Variants in AMPH observed in about 807,000 individuals in gnomAD.
AMPH encodes the protein amphiphysin (Stiff-Mann syndrome with breast cancer 128kD autoantigen).
Under a neutral mutation model 99.1 loss-of-function variants are expected in AMPH, and 49 were observed. The ratio of observed to expected loss-of-function variants is 0.49; its 90% CI spans 0.39 to 0.63. AMPH has a LOEUF of 0.63. AMPH is among the 20% of genes least tolerant of loss of function. The probability of loss-of-function intolerance (pLI) is 0.00; values close to 1 mark genes in which losing one functional copy is unlikely to be tolerated. For missense variants in AMPH, 759 were observed against 863.4 expected (o/e 0.88, Z 1.52); for synonymous variants, 314 against 317.3 (o/e 0.99, Z 0.11).
chr7:38,448,422 C>T (rs1786872371), intron 11 of AMPH, among the ~76,000 whole-genome samples: 1 of 152,066 alleles, frequency 6.6e-6, no homozygotes, highest in Non-Finnish European at 1.5e-5. Context: ...AGTACTGAAC[C>T]CTATACACAC....
At position 38,469,011 on chromosome 7, in the gene AMPH, G is replaced by T. The variant is rs568721467; in HGVS notation, c.591-2763C>A. Reference sequence around the variant, plus strand: ...CTACTAAAAATACAAAAAATTAGCCGGGCGTAGTGGCGGGCGCCTGTAGTC... The same window carrying T: ...CTACTAAAAATACAAAAAATTAGCCTGGCGTAGTGGCGGGCGCCTGTAGTC... On this transcript the variant is annotated intron_variant, in intron 7 of 20. Transcript: ENST00000356264. 4.3e-5 allele frequency among the ~76,000 whole-genome samples: 5 copies of T among 117,622 alleles called. 2 individuals carry two copies. The South Asian group carries it at 1.7e-3, about 40-fold the overall frequency. 77.2% of individuals were successfully genotyped at this position (117,622 alleles called of 152,430 possible). A position where few individuals can be genotyped will look rare whatever the true frequency, so the allele number is the denominator to read the frequency against.
chr7:38,417,862 A>G lies in AMPH; in HGVS notation c.1361T>C (p.Met454Thr), dbSNP rs1447805665. The G allele has an allele frequency of 7.4e-6, 12 of 1,614,008 alleles. No homozygotes were observed. Among genetic ancestry groups the G allele is most frequent in the Non-Finnish European group, 9.3e-6 (11 of 1,180,004 alleles). Residue 454 changes from methionine (M) to threonine (T), a missense_variant, in exon 17 of 21, where the codon ATG (methionine) becomes ACG (threonine). By Grantham distance (81) the Met-to-Thr change is moderately conservative. Coordinates refer to ENST00000356264, the MANE Select transcript of AMPH (RefSeq NM_001635.4). ...CACTGGCTCCTCAGCCCGAGTGTCCATTCCAAGGTCCAGACCAACGGCAGG... is the reference window on the plus strand; with the variant it reads ...CACTGGCTCCTCAGCCCGAGTGTCCGTTCCAAGGTCCAGACCAACGGCAGG... ...VTPAVGLDLG[M>T]DTRAEEPVEE... is the part of the protein sequence containing the mutation.
chr7:38,571,275 ATATTTTT>A (rs1297820346), intron 1 of AMPH, among the ~76,000 whole-genome samples: 1,844 of 54,132 alleles, frequency 0.034, 31 homozygotes, highest in Middle Eastern at 0.05. Context: ...ATTTATATAT[ATATTTTT>A]ATATATATTT....
chr7:38,577,018 T>G (rs1792270721), intron 1 of AMPH, among the ~76,000 whole-genome samples: 1 of 152,206 alleles, frequency 6.6e-6, no homozygotes, highest in African/African-American at 2.4e-5. Flanking sequence ...TAAAGAGGAT[T>G]TATATGGGGT....
chr7:38,612,065 A>G (rs1438682842), intron 1 of AMPH, among the ~76,000 whole-genome samples: 1 of 149,946 alleles, frequency 6.7e-6, no homozygotes, highest in African/African-American at 2.5e-5. Flanking sequence ...AAACACTGCT[A>G]AGACTGATTT....
intron 5 of AMPH, among the ~76,000 whole-genome samples, chr7:38,488,583 T>G (rs10243535): frequency 0.25 from 38,336 of 151,486 alleles, 5,129 homozygotes; most frequent in Non-Finnish European, 0.28. Context: ...GATGCGTTGA[T>G]GGGTGCGGCA....
At chr7:38,569,700 G>A in intron 1 of AMPH, among the ~76,000 whole-genome samples, 1 of 152,108 alleles carries the variant, frequency 6.6e-6, no homozygotes, top group East Asian at 1.9e-4. Context: ...TCCCAGCCAG[G>A]GTTTTGACAG....
In AMPH at chr7:38,525,258, G is replaced by GTATATATA. The variant is rs141925117; in HGVS notation, c.150+9665_150+9672dup. On this transcript the variant is annotated intron_variant, in intron 2 of 20. Transcript: ENST00000356264. The stretch of plus-strand genomic sequence containing the variant: ...TATATATGTAGTTGTGTGTGTGTGT[G>GTATATATA]TATATATATATATATATATAGAGAG... Among the ~76,000 whole-genome samples, 438 of 111,080 alleles carry GTATATATA rather than the reference G, an allele frequency of 3.9e-3. 4 individuals carry two copies. The highest frequency in any genetic ancestry group is 0.024 in the Middle Eastern group (5 of 210). The allele number at this position is 111,080 out of a possible 152,430, so 72.9% of individuals were successfully genotyped here. A position where few individuals can be genotyped will look rare whatever the true frequency, so the allele number is the denominator to read the frequency against.
In AMPH at chr7:38,525,258, G is replaced by GTATATATATA. The variant is rs141925117; in HGVS notation, c.150+9663_150+9672dup. ...TATATATGTAGTTGTGTGTGTGTGTGTATATATATATATATATATAGAGAG... is the reference window on the plus strand; with the variant it reads ...TATATATGTAGTTGTGTGTGTGTGTGTATATATATATATATATATATATATATATAGAGAG... On this transcript the variant is annotated intron_variant, in intron 2 of 20. Transcript: ENST00000356264. Among the ~76,000 whole-genome samples, 672 of 110,928 alleles carry GTATATATATA rather than the reference G, an allele frequency of 6.1e-3. 7 individuals carry two copies. Among genetic ancestry groups the GTATATATATA allele is most frequent in the East Asian group, 0.049 (160 of 3,246 alleles). The allele number at this position is 110,928 out of a possible 152,430, so 72.8% of individuals were successfully genotyped here.
chr7:38,521,205 G>C (rs1789944936), intron 2 of AMPH, among the ~76,000 whole-genome samples: 1 of 152,134 alleles, frequency 6.6e-6, no homozygotes, highest in Non-Finnish European at 1.5e-5. Flanking sequence ...CAGACAAGAG[G>C]TCAGAGATTT....
chr7:38,397,342 C>T (rs77023208), intron 17 of AMPH, among the ~76,000 whole-genome samples: 8,840 of 152,158 alleles, frequency 0.058, 359 homozygotes, highest in East Asian at 0.19. Context: ...TTGTTCCATA[C>T]GAACATAATG....
chr7:38,493,855 T>C (rs1788820263), intron 4 of AMPH, among the ~76,000 whole-genome samples: 1 of 152,204 alleles, frequency 6.6e-6, no homozygotes, highest in South Asian at 2.1e-4. Flanking sequence ...AGAAATGGGC[T>C]GTTAAGGCTT....
At chr7:38,424,111 G>T (rs1373594116) in intron 15 of AMPH, among the ~76,000 whole-genome samples, 1 of 152,060 alleles carries the variant, frequency 6.6e-6, no homozygotes, top group Non-Finnish European at 1.5e-5. Context: ...AATCTGGCCA[G>T]CCCAAAGGAA....
At chr7:38,510,824 C>T (rs1295552147) in intron 2 of AMPH, among the ~76,000 whole-genome samples, 1 of 152,156 alleles carries the variant, frequency 6.6e-6, no homozygotes, top group African/African-American at 2.4e-5. Context: ...ACCAAAGGCA[C>T]CATTCTCCAT....
At chr7:38,562,535 C>T (rs1011217899) in intron 1 of AMPH, among the ~76,000 whole-genome samples, 19 of 151,936 alleles carry the variant, frequency 1.3e-4, no homozygotes, top group Admixed American at 2.6e-4. Flanking sequence ...GTGACAGATC[C>T]GAGGCAAAAG....
At chr7:38,568,329 G>A (rs1328216241) in intron 1 of AMPH, among the ~76,000 whole-genome samples, 1 of 152,282 alleles carries the variant, frequency 6.6e-6, no homozygotes, top group African/African-American at 2.4e-5. Flanking sequence ...GCTGGGCATG[G>A]TGGTGGGTGC....
chr7:38,472,361 G>A (rs534249251), intron 7 of AMPH, among the ~76,000 whole-genome samples: 1 of 152,096 alleles, frequency 6.6e-6, no homozygotes, highest in South Asian at 2.1e-4. Context: ...ATAAAGAGAG[G>A]CCCTAGATAA....
At chr7:38,605,944 T>C (rs139852884) in intron 1 of AMPH, among the ~76,000 whole-genome samples, 22 of 152,304 alleles carry the variant, frequency 1.4e-4, no homozygotes, top group African/African-American at 3.4e-4. Flanking sequence ...TGCGAGTCTA[T>C]GGCCATCCCT....
rs150548361 is a variant in AMPH at position 38,521,728 on chromosome 7, T to C, written c.150+13203A>G. Among the ~76,000 whole-genome samples the C allele has an allele frequency of 1.8e-4, 27 of 152,264 alleles. No individual in the cohort carries two copies. In the East Asian group the frequency reaches 5.0e-3, roughly 28 times the overall value. ...CTTTCTTGATCTACAGAATTTTCAT[T>C]CTCTGTTGGAGGGATTCCCATCCCC... On this transcript the variant is annotated intron_variant, in intron 2 of 20. Coordinates refer to ENST00000356264, the MANE Select transcript of AMPH (RefSeq NM_001635.4).
Sources: gnomAD v4.1 joint callset for allele counts (sites outside exome capture counted in the v4.1 genomes callset) on GRCh38, gnomAD v4.1.1 for gene constraint, MANE v1.5 for transcripts, NCBI Gene and HGNC (gene_info 2026-07-23, HGNC 2026-07-21) for gene names.